RABGAP1L: variants seen among roughly 807,000 people sequenced by gnomAD.
RABGAP1L encodes the protein rab GTPase-activating protein 1-like.
A neutral mutation model predicts 137.7 loss-of-function variants in RABGAP1L; 63 were observed. That is an observed-to-expected ratio of 0.46 (90% CI 0.37 to 0.56). The LOEUF (loss-of-function observed/expected upper bound fraction) is 0.56. Ranked by LOEUF, RABGAP1L falls within the 20% of genes least tolerant of loss-of-function variation. RABGAP1L has a pLI of 0.00. For synonymous variants in RABGAP1L, 431 were observed against 433.7 expected, an observed-to-expected ratio of 0.99 and a Z score of 0.08; for missense variants, 1,095 against 1,244.0, an observed-to-expected ratio of 0.88 and a Z score of 1.80.
intron 11 of RABGAP1L, among the ~76,000 whole-genome samples, chr1:174,348,934 C>T (rs544046145): frequency 0.022 from 3,391 of 152,032 alleles, 21 homozygotes; most frequent in African/African-American, 0.077. Context: ...TCCACAAAGC[C>T]GCCATTGTCA....
chr1:174,919,062 AG>A (rs1365472274), intron 19 of RABGAP1L, among the ~76,000 whole-genome samples: 1 of 145,876 alleles, frequency 6.9e-6, no homozygotes, highest in Admixed American at 7.0e-5. Flanking sequence ...TCTTTCACCC[AG>A]GCTGGGGTGC....
chr1:174,699,492 A>T, intron 15 of RABGAP1L, 33 bp from the exon 16 acceptor site: 1 of 1,579,726 alleles, frequency 6.3e-7, no homozygotes, highest in Non-Finnish European at 8.6e-7. Flanking sequence ...AATGCCACTT[A>T]TTTATATTGT....
chr1:174,820,048 A>T (rs772223598), intron 19 of RABGAP1L, among the ~76,000 whole-genome samples: 2 of 152,168 alleles, frequency 1.3e-5, no homozygotes, highest in Non-Finnish European at 2.9e-5. Context: ...CAGCTTTGAG[A>T]AACATGGAAG....
At chr1:174,258,385 A>G (rs992310053) in intron 7 of RABGAP1L, among the ~76,000 whole-genome samples, 2 of 152,058 alleles carry the variant, frequency 1.3e-5, no homozygotes, top group African/African-American at 4.8e-5. Flanking sequence ...CCTAGGCTCA[A>G]GCGATCCTCC....
chr1:174,755,326 C>T (rs555970258), intron 18 of RABGAP1L, among the ~76,000 whole-genome samples: 2 of 152,168 alleles, frequency 1.3e-5, no homozygotes. Context: ...AGATATATTC[C>T]TCCAAATGTA....
intron 21 of RABGAP1L, among the ~76,000 whole-genome samples, chr1:174,971,065 C>G (rs1163453914): frequency 6.6e-6 from 1 of 151,688 alleles, no homozygotes; most frequent in Admixed American, 6.6e-5. Context: ...CAAGGAAATA[C>G]ATCAAAATGT....
intron 3 of RABGAP1L, among the ~76,000 whole-genome samples, chr1:174,222,246 A>G (rs1053110866): frequency 2.0e-5 from 3 of 152,192 alleles, no homozygotes; most frequent in Non-Finnish European, 2.9e-5. Flanking sequence ...CCTGGGTTAC[A>G]TTCAAACCTG....
intron 12 of RABGAP1L, among the ~76,000 whole-genome samples, chr1:174,384,784 C>T (rs2149055638): frequency 6.6e-6 from 1 of 152,264 alleles, no homozygotes; most frequent in East Asian, 1.9e-4. Context: ...ATAGTAGGTG[C>T]TCAATTCATA....
At chr1:174,666,634 CT>C (rs1303582716) in intron 14 of RABGAP1L, among the ~76,000 whole-genome samples, 1 of 152,140 alleles carries the variant, frequency 6.6e-6, no homozygotes, top group African/African-American at 2.4e-5. Context: ...TTTGATTTCC[CT>C]TTTCATTCTT....
intron 18 of RABGAP1L, among the ~76,000 whole-genome samples, chr1:174,774,660 G>A (rs1275662723): frequency 1.3e-5 from 2 of 151,642 alleles, no homozygotes; most frequent in African/African-American, 2.4e-5. Flanking sequence ...CAAGCGGATC[G>A]CTTGAGTCTA....
intron 13 of RABGAP1L, among the ~76,000 whole-genome samples, chr1:174,539,824 G>C (rs1438661329): frequency 6.6e-6 from 1 of 152,112 alleles, no homozygotes; most frequent in Non-Finnish European, 1.5e-5. Context: ...GGGATGTCTG[G>C]GTCAAATGGT....
Position 174,448,525 on chromosome 1 carries a change from T to C in RABGAP1L, c.1710+54380T>C. 6.2e-7 allele frequency: 1 copy of C among 1,612,886 alleles called. No homozygotes were observed. The highest frequency in any genetic ancestry group is 1.1e-5 in the South Asian group (1 of 91,058). On this transcript the variant is annotated intron_variant, in intron 13 of 25. Coordinates refer to ENST00000681986, the MANE Select transcript of RABGAP1L (RefSeq NM_001366446.1). This position sits in a 1 kb window ranked among gnomAD's most constrained non-coding sequence, Gnocchi z 4.2. Reference sequence around the variant, plus strand: ...CATGTCTTGCTTGCATCAGTGTGGATCGTTATCTTGCAATAACCAAGCCTC... The same window carrying C: ...CATGTCTTGCTTGCATCAGTGTGGACCGTTATCTTGCAATAACCAAGCCTC...
chr1:174,864,021 T>C (rs1405911631), intron 19 of RABGAP1L, among the ~76,000 whole-genome samples: 1 of 152,194 alleles, frequency 6.6e-6, no homozygotes, highest in African/African-American at 2.4e-5. Context: ...CAGAATTCTA[T>C]AATATTTCTT....
At chr1:174,532,322 C>T (rs112110402) in intron 13 of RABGAP1L, among the ~76,000 whole-genome samples, 5 of 151,972 alleles carry the variant, frequency 3.3e-5, no homozygotes, top group African/African-American at 1.2e-4. Flanking sequence ...AAGTCTCCTG[C>T]CTCAGCCTCC....
At chr1:174,500,767 T>C (rs12071794) in intron 13 of RABGAP1L, among the ~76,000 whole-genome samples, 58,903 of 151,880 alleles carry the variant, frequency 0.39, 14,350 homozygotes, top group African/African-American at 0.69. Context: ...AAAGCTCAGC[T>C]CCTGATTGAG....
intron 18 of RABGAP1L, among the ~76,000 whole-genome samples, chr1:174,811,189 T>C (rs1448984908): frequency 6.6e-6 from 1 of 152,256 alleles, no homozygotes; most frequent in Non-Finnish European, 1.5e-5. Context: ...TGCACAGATA[T>C]ATTTATTTCC....
intron 19 of RABGAP1L, among the ~76,000 whole-genome samples, chr1:174,903,334 T>G (rs964972054): frequency 3.1e-4 from 47 of 152,210 alleles, no homozygotes; most frequent in African/African-American, 1.1e-3. Flanking sequence ...GAAATGTGCA[T>G]CTGGTGAAAT....
intron 20 of RABGAP1L, among the ~76,000 whole-genome samples, chr1:174,967,330 A>ATTTT (rs35787924): frequency 2.6e-5 from 3 of 115,876 alleles, no homozygotes; most frequent in Non-Finnish European, 5.2e-5. Context: ...CACCCAGCTA[A>ATTTT]TTTTTTTTTT....
At chr1:174,414,316 G>C (rs920471751) in intron 13 of RABGAP1L, among the ~76,000 whole-genome samples, 1 of 152,108 alleles carries the variant, frequency 6.6e-6, no homozygotes, top group Non-Finnish European at 1.5e-5. Context: ...AGGGTCAGCT[G>C]TAGTTCTGAA....
Sources: allele counts gnomAD v4.1 joint callset (sites outside exome capture counted in the v4.1 genomes callset), GRCh38; gene constraint gnomAD v4.1.1; non-coding constraint Gnocchi (gnomAD v3.1); transcripts MANE v1.5; gene names NCBI Gene and HGNC (gene_info 2026-07-23, HGNC 2026-07-21).